The following PRDM15 variants were observed in gnomAD, a reference collection of about 807,000 sequenced individuals.
PRDM15 encodes the protein PR domain zinc finger protein 15.
PRDM15 carries 64 observed loss-of-function variants against 128.6 expected under a neutral mutation model. The observed-to-expected ratio is 0.50, with a 90% CI of 0.41 to 0.61. PRDM15 has a LOEUF of 0.61. PRDM15 is among the 20% of genes least tolerant of loss of function. PRDM15 has a pLI of 0.00. For missense variants in PRDM15, 1,242 were observed against 1,569.1 expected (o/e 0.79, Z 3.52); for synonymous variants, 615 against 621.8 (o/e 0.99, Z 0.16).
intron 18 of PRDM15, 40 bp from the exon 19 acceptor site, chr21:41,815,876 C>A (rs747944025): frequency 6.8e-6 from 11 of 1,606,142 alleles, no homozygotes; most frequent in African/African-American, 1.3e-5. Flanking sequence ...CACACCCCCA[C>A]GCAGCCCACC....
At chr21:41,819,544 G>C in intron 18 of PRDM15, 38 bp downstream of exon 18, 2 of 1,596,682 alleles carry the variant, frequency 1.3e-6, no homozygotes, top group Non-Finnish European at 1.7e-6. Flanking sequence ...AGGGTGGCCT[G>C]GCTGAGCCTG....
intron 4 of PRDM15, among the ~76,000 whole-genome samples, chr21:41,856,329 C>T (rs561388502): frequency 9.1e-5 from 13 of 142,120 alleles, no homozygotes; most frequent in Non-Finnish European, 2.0e-4. Context: ...AAATCAAGTG[C>T]CTTTCCTTCT....
chr21:41,878,796 G>T, intron 1 of PRDM15: 1 of 1,284,812 alleles, frequency 7.8e-7, no homozygotes, highest in Non-Finnish European at 9.9e-7. Flanking sequence ...CATCCCCTGG[G>T]GCCTCGGCGA....
At chr21:41,823,475 G>C in intron 13 of PRDM15, 26 bp from the exon 14 acceptor site, 1 of 1,533,444 alleles carries the variant, frequency 6.5e-7, no homozygotes, top group Non-Finnish European at 8.8e-7. Context: ...CGCATGGTGA[G>C]GGGCTGCGGC....
intron 1 of PRDM15, among the ~76,000 whole-genome samples, chr21:41,868,997 G>T (rs115556866): frequency 2.6e-5 from 4 of 152,010 alleles, no homozygotes; most frequent in African/African-American, 9.6e-5. Flanking sequence ...CCTCTTGCCC[G>T]TTTTCTAGTT....
rs746912145 is a variant in PRDM15 at position 41,799,077 on chromosome 21, G to A, written c.*2163C>T. 4 of 152,038 alleles carry A rather than the reference G, an allele frequency of 2.6e-5. No individual in the cohort carries two copies. The highest frequency in any genetic ancestry group is 2.1e-4 in the South Asian group (1 of 4,816). The allele number at this position is 152,038 out of a possible 1,614,324, so 9.4% of individuals were successfully genotyped here. A position where few individuals can be genotyped will look rare whatever the true frequency, so the allele number is the denominator to read the frequency against. On this transcript the variant is annotated 3_prime_UTR_variant, in exon 24 of 24. Coordinates refer to ENST00000398548, the MANE Select transcript of PRDM15 (RefSeq NM_001040424.3). ...TAGGTTCTTTAACAACATTTGATGC[G>A]GTCTTACTCTAGGCACTAAAACAAC...
At chr21:41,829,569 CACAA>C (rs1470028575) in intron 11 of PRDM15, among the ~76,000 whole-genome samples, 15,378 of 151,068 alleles carry the variant, frequency 0.1, 804 homozygotes, top group Middle Eastern at 0.18. Flanking sequence ...ATACACAACC[CACAA>C]ACAGACATTC....
At position 41,802,766 on chromosome 21, in the gene PRDM15, C is replaced by T; in HGVS notation, c.2889G>A (p.Glu963=). ...TFSEYSEKET[E]FTGSVGDETN... Reference sequence around the variant, plus strand: ...TCTCGTCGCCTACACTGCCTGTGAACTCCGTCTCTTTCTCTGAGTATTCGC... The same window carrying T: ...TCTCGTCGCCTACACTGCCTGTGAATTCCGTCTCTTTCTCTGAGTATTCGC... Residue 963 remains glutamate (E), a synonymous_variant, in exon 23 of 24, where the codon GAG becomes GAA. Coordinates refer to ENST00000398548, the MANE Select transcript of PRDM15 (RefSeq NM_001040424.3). 6 of 1,614,232 alleles carry T rather than the reference C, an allele frequency of 3.7e-6. No individual in the cohort carries two copies. The highest frequency in any genetic ancestry group is 5.1e-6 in the Non-Finnish European group (6 of 1,180,042).
At position 41,821,129 on chromosome 21, in the gene PRDM15, C is replaced by T. The variant is rs969694436; in HGVS notation, c.1998G>A (p.Lys666=). 5 of 1,614,218 alleles carry T rather than the reference C, an allele frequency of 3.1e-6. No individual in the cohort carries two copies. The highest frequency in any genetic ancestry group is 4.2e-6 in the Non-Finnish European group (5 of 1,180,040). The part of the protein sequence containing the change: ...CSICNRRFAL[K]ATYHAHMVIH... The stretch of plus-strand genomic sequence containing the variant: ...TGACCATGTGGGCGTGGTAGGTGGC[C>T]TTCAGTGCAAAGCGCCGGTTGCAGA... The change falls in exon 16 of 24, where the codon AAG becomes AAA. Residue 666 remains lysine, a synonymous_variant. Transcript: ENST00000398548. The surrounding 1 kb of genome is among the most constrained non-coding windows in gnomAD (Gnocchi z 5.4).
At chr21:41,836,434 G>A (rs771937550) in intron 9 of PRDM15, 34 bp downstream of exon 9, 3 of 1,588,044 alleles carry the variant, frequency 1.9e-6, no homozygotes, top group Admixed American at 1.7e-5. Flanking sequence ...TCCTGGCCCT[G>A]GCCCCGGGCG....
chr21:41,810,661 T>C lies in PRDM15; in HGVS notation c.2476+92A>G. 2.0e-6 allele frequency: 2 copies of C among 1,016,618 alleles called. No individual in the cohort carries two copies. The highest frequency in any genetic ancestry group is 3.4e-5 in the Admixed American group (2 of 58,284). The allele number at this position is 1,016,618 out of a possible 1,614,324, so 63.0% of individuals were successfully genotyped here. A position where few individuals can be genotyped will look rare whatever the true frequency, so the allele number is the denominator to read the frequency against. On this transcript the variant is annotated intron_variant, in intron 20 of 23. Transcript: ENST00000398548. The surrounding 1 kb of genome is among the most constrained non-coding windows in gnomAD (Gnocchi z 6.4). ...AAATGTGCTGGAACCGTCTAGATAA[T>C]AGAATAGTCGTTTCCACCCCAGCAG...
At chr21:41,868,435 C>G (rs1375693591) in intron 1 of PRDM15, among the ~76,000 whole-genome samples, 4 of 152,066 alleles carry the variant, frequency 2.6e-5, no homozygotes, top group Non-Finnish European at 5.9e-5. Context: ...GGCTGCAGCA[C>G]TTTGCACCTC....
In PRDM15 at chr21:41,847,096, G is replaced by A; in HGVS notation, c.634C>T (p.Leu212Phe). ...CSATFLELQLLNEHLLGHLEQ... is the reference protein window; with the variant it reads ...CSATFLELQLFNEHLLGHLEQ... ...CCCCACACGTCCTCCTTACCATTGA[G>A]GAGCTGCAGCTCCAGGAAGGTGGCA... Residue 212 changes from leucine (L) to phenylalanine (F), a missense_variant, in exon 6 of 24, where the codon CTC (leucine) becomes TTC (phenylalanine). By Grantham distance (22) the Leu-to-Phe change is conservative. Transcript: ENST00000398548. The A allele has an allele frequency of 6.5e-7, 1 of 1,548,616 alleles. No homozygotes were observed. The highest frequency in any genetic ancestry group is 8.7e-7 in the Non-Finnish European group (1 of 1,143,828).
At chr21:41,823,862 G>A (rs974000471) in intron 13 of PRDM15, among the ~76,000 whole-genome samples, 1 of 152,234 alleles carries the variant, frequency 6.6e-6, no homozygotes, top group African/African-American at 2.4e-5. Context: ...TGTGTTTAAT[G>A]CACATTCCCA....
chr21:41,806,854 TCACCACTACCACCGCCATCACCATCAG>T (rs1432898410), intron 21 of PRDM15, among the ~76,000 whole-genome samples: 2 of 146,356 alleles, frequency 1.4e-5, no homozygotes, highest in Admixed American at 6.7e-5. Context: ...GTCACCACCA[TCACCACTACCACCGCCATCACCATCAG>T]CACCACTACC....
chr21:41,834,042 T>A (rs1344265730), intron 11 of PRDM15, among the ~76,000 whole-genome samples: 1 of 152,160 alleles, frequency 6.6e-6, no homozygotes, highest in African/African-American at 2.4e-5. Flanking sequence ...GTGCCCCAGG[T>A]TTCTTGGGAA....
At chr21:41,805,701 GTCACCACCA>G (rs908769424) in intron 21 of PRDM15, among the ~76,000 whole-genome samples, 5 of 151,412 alleles carry the variant, frequency 3.3e-5, no homozygotes, top group African/African-American at 7.3e-5. Context: ...ACTCTCTACC[GTCACCACCA>G]TCACCACCAT....
At chr21:41,831,493 C>G (rs2062689403) in intron 11 of PRDM15, among the ~76,000 whole-genome samples, 1 of 152,222 alleles carries the variant, frequency 6.6e-6, no homozygotes, top group Non-Finnish European at 1.5e-5. Context: ...AAATGAGACT[C>G]TCTGGGGTGG....
In PRDM15 at chr21:41,801,080, G is replaced by T. The variant is rs573784614; in HGVS notation, c.*160C>A. 9.2e-5 allele frequency: 97 copies of T among 1,057,742 alleles called. No individual in the cohort carries two copies. The African/African-American group carries it at 1.3e-3, about 14-fold the overall frequency. The allele number at this position is 1,057,742 out of a possible 1,614,324, so 65.5% of individuals were successfully genotyped here. On this transcript the variant is annotated 3_prime_UTR_variant, in exon 24 of 24. Coordinates refer to ENST00000398548, the MANE Select transcript of PRDM15 (RefSeq NM_001040424.3). ...CCTTCTAGAGTTAAGCTGACAGACC[G>T]TAATGGTTGCTGGCGGGGGATCTGG...
Sources: allele counts gnomAD v4.1 joint callset (sites outside exome capture counted in the v4.1 genomes callset), GRCh38; gene constraint gnomAD v4.1.1; non-coding constraint Gnocchi (gnomAD v3.1); transcripts MANE v1.5; gene names NCBI Gene and HGNC (gene_info 2026-07-23, HGNC 2026-07-21).